The following CRYL1 variants were observed in gnomAD, a reference collection of about 807,000 sequenced individuals.
CRYL1 encodes crystallin lambda 1, also known as lambda-crystallin homolog.
In CRYL1, 29 loss-of-function variants were observed where a neutral mutation model predicts 36.6. The ratio of observed to expected loss-of-function variants is 0.79; its 90% CI spans 0.59 to 1.08. CRYL1 has a LOEUF of 1.08. Among genes scored for constraint, CRYL1 ranks in the 50% least tolerant of loss-of-function variants. CRYL1 has a pLI of 0.00. For missense variants in CRYL1, 411 were observed against 407.9 expected, an observed-to-expected ratio of 1.01 and a Z score of -0.06; for synonymous variants, 152 against 151.5, an observed-to-expected ratio of 1.00 and a Z score of -0.02.
At chr13:20,426,734 C>T in intron 5 of CRYL1, 1 of 985,378 alleles carries the variant, frequency 1.0e-6, no homozygotes, top group Non-Finnish European at 1.2e-6. Flanking sequence ...TTGAGATACA[C>T]TTCATTAACT....
At chr13:20,491,842 C>T (rs2033520389) in intron 2 of CRYL1, among the ~76,000 whole-genome samples, 1 of 152,086 alleles carries the variant, frequency 6.6e-6, no homozygotes. Context: ...ATATACAAAA[C>T]CAAATATGTG....
intron 3 of CRYL1, among the ~76,000 whole-genome samples, chr13:20,455,792 T>C (rs968313220): frequency 1.3e-5 from 2 of 152,208 alleles, no homozygotes; most frequent in African/African-American, 4.8e-5. Context: ...CCAAAACCAT[T>C]TTGCAAAAGT....
intron 5 of CRYL1, among the ~76,000 whole-genome samples, chr13:20,422,915 T>G (rs2031852780): frequency 6.6e-6 from 1 of 152,236 alleles, no homozygotes; most frequent in South Asian, 2.1e-4. Context: ...TTCCAATCCA[T>G]GAACACAGAA....
intron 5 of CRYL1, among the ~76,000 whole-genome samples, chr13:20,428,272 C>T (rs1245856453): frequency 1.3e-5 from 2 of 152,188 alleles, no homozygotes; most frequent in African/African-American, 4.8e-5. Flanking sequence ...GAAATGGTCA[C>T]TGGAGCGTTC....
intron 2 of CRYL1, among the ~76,000 whole-genome samples, chr13:20,509,297 GTTTTT>G (rs1014386831): frequency 6.9e-6 from 1 of 145,614 alleles, no homozygotes; most frequent in Non-Finnish European, 1.5e-5. Flanking sequence ...TCTATCAAGG[GTTTTT>G]TTTTTCTTTC....
At chr13:20,429,995 T>A (rs2137386938) in intron 5 of CRYL1, among the ~76,000 whole-genome samples, 1 of 152,054 alleles carries the variant, frequency 6.6e-6, no homozygotes, top group Admixed American at 6.5e-5. Flanking sequence ...ACAAGCCCCC[T>A]CCTCCTCCCC....
chr13:20,411,946 A>G lies in CRYL1; in HGVS notation c.739+1336T>C, dbSNP rs1006478977. Among the ~76,000 whole-genome samples, 4 of 152,250 alleles carry G rather than the reference A, an allele frequency of 2.6e-5. No individual in the cohort carries two copies. The East Asian group carries it at 7.7e-4, about 29-fold the overall frequency. ...AGCTTCCTTGAATTATTCATTGGAC[A>G]GCATATTTCATTAACTACTGTGAAA... is the stretch of plus-strand genomic sequence containing the variant. On this transcript the variant is annotated intron_variant, in intron 6 of 7. Coordinates refer to ENST00000298248, the MANE Select transcript of CRYL1 (RefSeq NM_015974.3).
intron 5 of CRYL1, among the ~76,000 whole-genome samples, chr13:20,430,087 C>T (rs891630379): frequency 1.3e-5 from 2 of 152,140 alleles, no homozygotes; most frequent in African/African-American, 2.4e-5. Flanking sequence ...CTGTGGGGCT[C>T]GGGGTGCCTG....
In CRYL1 at chr13:20,481,193, G is replaced by A. The variant is rs1338775738; in HGVS notation, c.276+8177C>T. Among the ~76,000 whole-genome samples the A allele has an allele frequency of 6.6e-6, 1 of 152,204 alleles. No homozygotes were observed. Among genetic ancestry groups the A allele is most frequent in the Non-Finnish European group, 1.5e-5 (1 of 68,030 alleles). On this transcript the variant is annotated intron_variant, in intron 3 of 7. Coordinates refer to ENST00000298248, the MANE Select transcript of CRYL1 (RefSeq NM_015974.3). The surrounding 1 kb of genome is among the most constrained non-coding windows in gnomAD (Gnocchi z 4.1). ...CTCGTGCTTCCAGATGATCTCGTGA[G>A]TGTGTGAGGTGGGCTTGCCCCAGTC...
chr13:20,404,726 C>T lies in CRYL1; in HGVS notation c.755G>A (p.Cys252Tyr). 6.2e-7 allele frequency: 1 copy of T among 1,612,094 alleles called. No homozygotes were observed. Among genetic ancestry groups the T allele is most frequent in the Non-Finnish European group, 8.5e-7 (1 of 1,178,182 alleles). ...TTTTATGCCTTCGCTGTATCTGTCG[C>T]AGTAGCTTAACATACCTGGAATTGT... is the stretch of plus-strand genomic sequence containing the variant. ...HLNAEGMLSY[C>Y]DRYSEGIKHV... Residue 252 changes from cysteine (C) to tyrosine (Y), a missense_variant, in exon 7 of 8, where the codon TGC (cysteine) becomes TAC (tyrosine). Transcript: ENST00000298248.
intron 3 of CRYL1, among the ~76,000 whole-genome samples, chr13:20,458,494 T>C (rs1230533715): frequency 6.6e-6 from 1 of 152,224 alleles, no homozygotes; most frequent in Non-Finnish European, 1.5e-5. Context: ...TTCTAAATTT[T>C]CTAGTGGCCG....
chr13:20,432,155 C>T lies in CRYL1; in HGVS notation c.580G>A (p.Val194Ile), dbSNP rs368163512. ...MRVQKEVAGF[V>I]LNRLQYAIIS... ...ATTGCATATTGCAGGCGGTTCAGAA[C>T]GAAGCCGGCCACCTCCTTCTGGACT... The change falls in exon 5 of 8, where the codon GTT (valine) becomes ATT (isoleucine). Residue 194 changes from valine (V) to isoleucine (I), a missense_variant. By Grantham distance (29) the Val-to-Ile change is conservative. Coordinates refer to ENST00000298248, the MANE Select transcript of CRYL1 (RefSeq NM_015974.3). 3.8e-5 allele frequency: 61 copies of T among 1,613,996 alleles called. 1 individual carries two copies. The East Asian group carries it at 1.1e-3, about 30-fold the overall frequency.
chr13:20,502,295 T>G (rs2033716525), intron 2 of CRYL1: 1 of 152,504 alleles, frequency 6.6e-6, no homozygotes, highest in South Asian at 2.1e-4. Flanking sequence ...TCTGCCTGCC[T>G]GGATCCACGC....
At chr13:20,436,247 C>T (rs867370105) in intron 4 of CRYL1, among the ~76,000 whole-genome samples, 2 of 152,184 alleles carry the variant, frequency 1.3e-5, no homozygotes, top group Non-Finnish European at 2.9e-5. Flanking sequence ...ACTTGGTGGG[C>T]TCCGAAGACC....
intron 3 of CRYL1, among the ~76,000 whole-genome samples, chr13:20,475,589 G>A (rs2033150111): frequency 6.6e-6 from 1 of 152,190 alleles, no homozygotes; most frequent in African/African-American, 2.4e-5. Flanking sequence ...TGTGTTAAGA[G>A]TGTGGCACAG....
intron 3 of CRYL1, among the ~76,000 whole-genome samples, chr13:20,458,884 A>C (rs1362715249): frequency 6.6e-6 from 1 of 152,228 alleles, no homozygotes; most frequent in East Asian, 1.9e-4. Flanking sequence ...AATTTCATTC[A>C]ATTGTGCCCT....
At chr13:20,521,142 G>GGA in intron 1 of CRYL1, among the ~76,000 whole-genome samples, 1 of 28,900 alleles carries the variant, frequency 3.5e-5, no homozygotes, top group South Asian at 1.9e-3. Flanking sequence ...AAGAAAGAAG[G>GGA]AAGAAAGGAA....
At chr13:20,487,820 T>A (rs568964160) in intron 3 of CRYL1, among the ~76,000 whole-genome samples, 1 of 151,680 alleles carries the variant, frequency 6.6e-6, no homozygotes, top group Non-Finnish European at 1.5e-5. Context: ...ACTTAACTCA[T>A]GCAGTTTACC....
Position 20,404,210 on chromosome 13 carries a change from CTCCGGGT to C in CRYL1, c.872_878del (p.Asp291GlyfsTer3). The C allele has an allele frequency of 1.2e-6, 2 of 1,613,902 alleles. No homozygotes were observed. The highest frequency in any genetic ancestry group is 1.7e-6 in the Non-Finnish European group (2 of 1,179,850). Reference sequence around the variant, plus strand: ...TCCACTGCCTCCTGGCAGCTAAGTGCTCCGGGTCATCAGGGACCTTCATGCACATGTC... The same window carrying C: ...TCCACTGCCTCCTGGCAGCTAAGTGCCATCAGGGACCTTCATGCACATGTC... On this transcript the variant is annotated frameshift_variant, in exon 8 of 8. Coordinates refer to ENST00000298248, the MANE Select transcript of CRYL1 (RefSeq NM_015974.3). LOFTEE classifies it low-confidence loss of function (END_TRUNC).
Sources: allele counts gnomAD v4.1 joint callset (sites outside exome capture counted in the v4.1 genomes callset), GRCh38; gene constraint gnomAD v4.1.1; non-coding constraint Gnocchi (gnomAD v3.1); transcripts MANE v1.5; gene names NCBI Gene and HGNC (gene_info 2026-07-23, HGNC 2026-07-21).